DAAM1: variants seen among roughly 807,000 people sequenced by gnomAD.
The protein encoded by DAAM1 is dishevelled associated activator of morphogenesis 1, also known as disheveled-associated activator of morphogenesis 1.
In DAAM1, 52 loss-of-function variants were observed where a neutral mutation model predicts 130.0. The observed-to-expected ratio is 0.40, with a 90% CI of 0.32 to 0.50. DAAM1 has a LOEUF of 0.50. DAAM1 is among the 20% of genes least tolerant of loss of function. The probability of loss-of-function intolerance (pLI) is 0.61; values close to 1 mark genes in which losing one functional copy is unlikely to be tolerated. For missense variants in DAAM1, 1,134 were observed against 1,303.8 expected (o/e 0.87, Z 2.01); for synonymous variants, 452 against 444.5 (o/e 1.02, Z -0.21).
At position 59,208,670 on chromosome 14, in the gene DAAM1, A is replaced by G. The variant is rs144123829; in HGVS notation, c.-38+19902A>G. Among the ~76,000 whole-genome samples, 285 of 152,256 alleles carry G rather than the reference A, an allele frequency of 1.9e-3. 1 individual carries two copies. The highest frequency in any genetic ancestry group is 6.4e-3 in the African/African-American group (266 of 41,528). The stretch of plus-strand genomic sequence containing the variant: ...TTGAACATATGACCCATGAATAGGC[A>G]TCAATATCATTTGGATGTTTGTCCC... On this transcript the variant is annotated intron_variant, in intron 1 of 24. Coordinates refer to ENST00000360909, the MANE Select transcript of DAAM1 (RefSeq NM_001270520.2).
rs1887080540 is a variant in DAAM1 at position 59,369,752 on chromosome 14, C to CT, written c.*894dup. On this transcript the variant is annotated 3_prime_UTR_variant, in exon 25 of 25. Coordinates refer to ENST00000360909, the MANE Select transcript of DAAM1 (RefSeq NM_001270520.2). ...GAATTCTCTGAAGGGATAAAGATTA[C>CT]TAAAAAAAAAAAAAAAAAAAAAAAA... is the stretch of plus-strand genomic sequence containing the variant. 2 of 34,546 alleles carry CT rather than the reference C, an allele frequency of 5.8e-5. No homozygotes were observed. The highest frequency in any genetic ancestry group is 2.4e-4 in the African/African-American group (2 of 8,226). 2.1% of individuals were successfully genotyped at this position (34,546 alleles called of 1,614,324 possible).
At chr14:59,305,608 C>A (rs776986549) in intron 3 of DAAM1, among the ~76,000 whole-genome samples, 20 of 152,146 alleles carry the variant, frequency 1.3e-4, no homozygotes, top group Non-Finnish European at 2.5e-4. Flanking sequence ...TGTATTCCCC[C>A]ACATCCCCTC....
At chr14:59,291,844 A>C (rs1392425237) in intron 3 of DAAM1, among the ~76,000 whole-genome samples, 14 of 152,138 alleles carry the variant, frequency 9.2e-5, no homozygotes, top group Non-Finnish European at 1.5e-4. Context: ...CTCGTATCCC[A>C]CTGCTGGTTG....
chr14:59,192,413 C>A (rs1396184600), intron 1 of DAAM1, among the ~76,000 whole-genome samples: 1 of 152,098 alleles, frequency 6.6e-6, no homozygotes, highest in East Asian at 1.9e-4. Context: ...AGCTTGGTAT[C>A]CTTGAGTGCC....
At chr14:59,306,903 G>A (rs1278637091) in intron 3 of DAAM1, among the ~76,000 whole-genome samples, 2 of 152,144 alleles carry the variant, frequency 1.3e-5, no homozygotes, top group Non-Finnish European at 2.9e-5. Flanking sequence ...ACACAGAATT[G>A]TGGTGTAATG....
intron 1 of DAAM1, among the ~76,000 whole-genome samples, chr14:59,210,262 T>C (rs1038282061): frequency 5.9e-5 from 9 of 152,240 alleles, no homozygotes; most frequent in African/African-American, 2.2e-4. Context: ...CTACAATGAG[T>C]ATTATTATAT....
chr14:59,217,634 C>T (rs759031217), intron 1 of DAAM1, among the ~76,000 whole-genome samples: 12 of 151,536 alleles, frequency 7.9e-5, no homozygotes, highest in East Asian at 2.0e-4. Context: ...GCCAGAAGTT[C>T]GAGGCCAACC....
chr14:59,212,447 A>G (rs975542547), intron 1 of DAAM1, among the ~76,000 whole-genome samples: 1 of 152,240 alleles, frequency 6.6e-6, no homozygotes, highest in African/African-American at 2.4e-5. Context: ...TTTTAGCATA[A>G]TGTCCGAGTC....
intron 5 of DAAM1, among the ~76,000 whole-genome samples, chr14:59,321,177 T>G (rs1415379099): frequency 6.6e-6 from 1 of 152,176 alleles, no homozygotes; most frequent in Non-Finnish European, 1.5e-5. Context: ...GAAATGACCT[T>G]GAAATATGCT....
chr14:59,302,715 G>T (rs570723721), intron 3 of DAAM1, among the ~76,000 whole-genome samples: 1 of 152,016 alleles, frequency 6.6e-6, no homozygotes, highest in African/African-American at 2.4e-5. Context: ...GTGCAGTGGC[G>T]CAATTTCAGC....
rs188733025 is a variant in DAAM1, at chr14:59,263,151, A to C, written c.-37-290A>C. On this transcript the variant is annotated intron_variant, in intron 1 of 24. Transcript: ENST00000360909. ...CGGCAGGAAAGGGAATGTGATGTAC[A>C]AAGAACAGACAGTAGCTCAGTGTGA... Among the ~76,000 whole-genome samples the C allele has an allele frequency of 2.0e-3, 308 of 152,358 alleles. 3 individuals carry two copies. The highest frequency in any genetic ancestry group is 5.7e-4 in the Non-Finnish European group (39 of 68,018).
intron 1 of DAAM1, among the ~76,000 whole-genome samples, chr14:59,259,913 G>A (rs1260986151): frequency 1.3e-5 from 2 of 152,090 alleles, no homozygotes; most frequent in Admixed American, 6.5e-5. Flanking sequence ...ATGTGGTGGC[G>A]GGCGTCTATA....
chr14:59,264,016 C>G (rs1269807055), intron 2 of DAAM1: 1 of 329,712 alleles, frequency 3.0e-6, no homozygotes, highest in African/African-American at 2.1e-5. Context: ...TCATTTACTT[C>G]ACACCTATTG....
intron 16 of DAAM1, among the ~76,000 whole-genome samples, chr14:59,345,861 G>A (rs953308722): frequency 1.3e-5 from 2 of 152,188 alleles, no homozygotes; most frequent in African/African-American, 4.8e-5. Flanking sequence ...GTCATACACA[G>A]AGAGGAAACA....
chr14:59,292,098 T>C (rs1883762734), intron 3 of DAAM1, among the ~76,000 whole-genome samples: 1 of 152,092 alleles, frequency 6.6e-6, no homozygotes. Flanking sequence ...AGGATATCCC[T>C]ACACCCATTT....
Position 59,363,650 on chromosome 14 carries a change from G to A in DAAM1, c.2695-1G>A. The A allele has an allele frequency of 6.2e-7, 1 of 1,614,044 alleles. No individual in the cohort carries two copies. Among genetic ancestry groups the A allele is most frequent in the Non-Finnish European group, 8.5e-7 (1 of 1,179,950 alleles). On this transcript the variant is annotated splice_acceptor_variant, in intron 22 of 24. Coordinates refer to ENST00000360909, the MANE Select transcript of DAAM1 (RefSeq NM_001270520.2). LOFTEE classifies it high-confidence loss of function. Reference sequence around the variant, plus strand: ...GACATTATTCATTTCCTGTGTTTAAGGAGCTGGAATATCAGAAGTCTCAGC... The same window carrying A: ...GACATTATTCATTTCCTGTGTTTAAAGAGCTGGAATATCAGAAGTCTCAGC...
intron 3 of DAAM1, among the ~76,000 whole-genome samples, chr14:59,291,829 T>A (rs904247482): frequency 6.6e-6 from 1 of 152,162 alleles, no homozygotes; most frequent in African/African-American, 2.4e-5. Context: ...CATGGCTGAC[T>A]CTCTCTCGTA....
chr14:59,332,491 T>C (rs10144140), intron 15 of DAAM1, among the ~76,000 whole-genome samples: 34,428 of 151,948 alleles, frequency 0.23, 4,072 homozygotes, highest in African/African-American at 0.29. Context: ...ATGGTGCAAA[T>C]AGGACCAGAG....
chr14:59,231,388 C>T (rs1055359856), intron 1 of DAAM1, among the ~76,000 whole-genome samples: 7 of 152,106 alleles, frequency 4.6e-5, no homozygotes, highest in African/African-American at 1.7e-4. Flanking sequence ...GGTGAATGAG[C>T]CCTACCCTTG....
Sources: allele counts gnomAD v4.1 joint callset (sites outside exome capture counted in the v4.1 genomes callset), GRCh38; gene constraint gnomAD v4.1.1; transcripts MANE v1.5; gene names NCBI Gene and HGNC (gene_info 2026-07-23, HGNC 2026-07-21).